The following FAM227B variants were observed in gnomAD, a reference collection of about 807,000 sequenced individuals.
FAM227B encodes family with sequence similarity 227 member B.
Under a neutral mutation model 73.8 loss-of-function variants are expected in FAM227B, and 88 were observed. The observed-to-expected ratio is 1.19, with a 90% CI of 1.00 to 1.42. FAM227B has a LOEUF of 1.42. Among genes scored for constraint, FAM227B ranks in the 40% most tolerant of loss-of-function variants. FAM227B has a pLI of 0.00. For missense variants in FAM227B, 632 were observed against 590.9 expected (o/e 1.07, Z -0.72); for synonymous variants, 210 against 190.5 (o/e 1.10, Z -0.84).
At chr15:49,431,424 A>G (rs76865168) in intron 11 of FAM227B, among the ~76,000 whole-genome samples, 3,545 of 151,926 alleles carry the variant, frequency 0.023, 90 homozygotes, top group South Asian at 0.13. Context: ...GGGTTTGTGT[A>G]GTAATATGTA....
chr15:49,606,888 A>G (rs1244409386), intron 3 of FAM227B, among the ~76,000 whole-genome samples: 1 of 152,248 alleles, frequency 6.6e-6, no homozygotes, highest in Non-Finnish European at 1.5e-5. Flanking sequence ...TTGCAAATCT[A>G]AATACAAGAT....
chr15:49,394,168 T>TC (rs974201181), intron 11 of FAM227B, among the ~76,000 whole-genome samples: 2 of 151,980 alleles, frequency 1.3e-5, no homozygotes, highest in Non-Finnish European at 1.5e-5. Flanking sequence ...TTTGAAGCTT[T>TC]CCCCCCAGCT....
intron 8 of FAM227B, among the ~76,000 whole-genome samples, chr15:49,569,169 A>G (rs1306699654): frequency 6.6e-6 from 1 of 151,872 alleles, no homozygotes; most frequent in Non-Finnish European, 1.5e-5. Context: ...GCATATATTC[A>G]TTTACAACAC....
At chr15:49,551,700 GTGATT>G (rs1194164280) in intron 9 of FAM227B, among the ~76,000 whole-genome samples, 1 of 152,130 alleles carries the variant, frequency 6.6e-6, no homozygotes, top group Non-Finnish European at 1.5e-5. Context: ...TGTAGTGAAT[GTGATT>G]TTTCTCTGGT....
chr15:49,605,142 T>A (rs368257085), intron 3 of FAM227B, among the ~76,000 whole-genome samples: 13 of 152,146 alleles, frequency 8.5e-5, no homozygotes, highest in African/African-American at 3.1e-4. Flanking sequence ...GCGCCTCTTC[T>A]GGGGGCTGGC....
chr15:49,341,834 C>T (rs533394522), intron 13 of FAM227B, among the ~76,000 whole-genome samples: 6 of 152,180 alleles, frequency 3.9e-5, no homozygotes, highest in African/African-American at 1.4e-4. Flanking sequence ...GTTTGATTTT[C>T]ATTCAATTGT....
intron 10 of FAM227B, among the ~76,000 whole-genome samples, chr15:49,512,368 T>C (rs1169045564): frequency 1.3e-5 from 2 of 152,126 alleles, no homozygotes; most frequent in African/African-American, 2.4e-5. Context: ...TCATGTTATT[T>C]AAATCGTTTA....
At chr15:49,563,666 A>G (rs1567588048) in intron 9 of FAM227B, among the ~76,000 whole-genome samples, 1 of 152,200 alleles carries the variant, frequency 6.6e-6, no homozygotes, top group East Asian at 1.9e-4. Context: ...AGAACAGGAC[A>G]GATAAGCCAA....
At chr15:49,567,417 C>T (rs2074747217) in intron 9 of FAM227B, among the ~76,000 whole-genome samples, 1 of 152,080 alleles carries the variant, frequency 6.6e-6, no homozygotes. Flanking sequence ...GCCAAGTATC[C>T]TTATTCCCAG....
chr15:49,376,461 C>A (rs1328750953), intron 11 of FAM227B, among the ~76,000 whole-genome samples: 1 of 152,032 alleles, frequency 6.6e-6, no homozygotes, highest in African/African-American at 2.4e-5. Context: ...ACTCTCCAGT[C>A]TATTTCATTT....
intron 2 of FAM227B, among the ~76,000 whole-genome samples, chr15:49,611,524 G>C (rs1300094214): frequency 6.6e-6 from 1 of 152,064 alleles, no homozygotes; most frequent in African/African-American, 2.4e-5. Context: ...AACTCCACAT[G>C]AATCTTGCTT....
intron 10 of FAM227B, among the ~76,000 whole-genome samples, chr15:49,514,296 T>A (rs2059234628): frequency 6.6e-6 from 1 of 152,172 alleles, no homozygotes; most frequent in African/African-American, 2.4e-5. Context: ...GCAGCTCTCC[T>A]TGAAGAGGTC....
intron 11 of FAM227B, among the ~76,000 whole-genome samples, chr15:49,438,891 AAGAG>A (rs1183863909): frequency 9.2e-5 from 14 of 151,506 alleles, no homozygotes; most frequent in Admixed American, 9.2e-4. Context: ...AGGGAGAAAA[AAGAG>A]AGAGAAAAAG....
chr15:49,331,951 C>T lies in FAM227B; in HGVS notation c.1350-102G>A, dbSNP rs545930853. 7.4e-5 allele frequency: 54 copies of T among 728,166 alleles called. No individual in the cohort carries two copies. The African/African-American group carries it at 7.7e-4, about 10-fold the overall frequency. The allele number at this position is 728,166 out of a possible 1,614,324, so 45.1% of individuals were successfully genotyped here. The stretch of plus-strand genomic sequence containing the variant: ...TTAAGAATTTAATATGCTGGGCATT[C>T]GTCAAGCACTTTACATATATTAATT... On this transcript the variant is annotated intron_variant, in intron 14 of 15. Coordinates refer to ENST00000299338, the MANE Select transcript of FAM227B (RefSeq NM_152647.3).
chr15:49,451,474 T>C (rs2052736597), intron 11 of FAM227B, among the ~76,000 whole-genome samples: 1 of 152,098 alleles, frequency 6.6e-6, no homozygotes, highest in Non-Finnish European at 1.5e-5. Flanking sequence ...CTTAAATCTA[T>C]ATGTATATAT....
intron 11 of FAM227B, among the ~76,000 whole-genome samples, chr15:49,450,050 T>C (rs1021661512): frequency 3.3e-5 from 5 of 152,128 alleles, no homozygotes; most frequent in African/African-American, 4.8e-5. Flanking sequence ...CAGCAATGCA[T>C]GTGCCAAAGT....
intron 10 of FAM227B, among the ~76,000 whole-genome samples, chr15:49,515,719 T>C (rs560074543): frequency 2.6e-5 from 4 of 152,290 alleles, no homozygotes; most frequent in African/African-American, 9.6e-5. Flanking sequence ...AAATTCCTCT[T>C]AGGATGGGAA....
At chr15:49,608,901 T>C (rs926256744) in intron 3 of FAM227B, among the ~76,000 whole-genome samples, 7 of 151,822 alleles carry the variant, frequency 4.6e-5, no homozygotes, top group Admixed American at 3.9e-4. Context: ...TATATAAATA[T>C]GGAAGAAATT....
At chr15:49,515,164 T>C (rs1023382302) in intron 10 of FAM227B, among the ~76,000 whole-genome samples, 1 of 152,126 alleles carries the variant, frequency 6.6e-6, no homozygotes, top group African/African-American at 2.4e-5. Flanking sequence ...TCTGTATTTT[T>C]CACTCTTTTT....
Sources: gnomAD v4.1 joint callset for allele counts (sites outside exome capture counted in the v4.1 genomes callset) on GRCh38, gnomAD v4.1.1 for gene constraint, MANE v1.5 for transcripts, NCBI Gene and HGNC (gene_info 2026-07-23, HGNC 2026-07-21) for gene names.